The following SLC12A9 variants were observed in gnomAD, a reference collection of about 807,000 sequenced individuals.
SLC12A9 encodes solute carrier family 12 member 9.
In SLC12A9, 55 loss-of-function variants were observed where a neutral mutation model predicts 66.0. The observed-to-expected ratio is 0.83, with a 90% CI of 0.67 to 1.04. The LOEUF (loss-of-function observed/expected upper bound fraction) is 1.04, where lower values mean the gene tolerates loss of function less well. Among genes scored for constraint, SLC12A9 ranks in the 50% least tolerant of loss-of-function variants. SLC12A9 has a pLI of 0.00. For missense variants in SLC12A9, 1,061 were observed against 1,241.9 expected (o/e 0.85, Z 2.19); for synonymous variants, 577 against 569.0 (o/e 1.01, Z -0.20).
Position 100,861,925 on chromosome 7 carries a change from CCACT to C in SLC12A9, c.1711+28_1711+31del, listed in dbSNP as rs771301713. The C allele has an allele frequency of 2.2e-5, 35 of 1,569,028 alleles. No individual in the cohort carries two copies. The highest frequency in any genetic ancestry group is 1.1e-4 in the East Asian group (5 of 44,288). ...TGGGAGACCTCGGTGAGCTGCCCTC[CCACT>C]CACTCACTCACTCCCATCCTTCTCT... is the stretch of plus-strand genomic sequence containing the variant. On this transcript the variant is annotated intron_variant, in intron 12 of 13. Transcript: ENST00000354161. This position sits in a 1 kb window ranked among gnomAD's most constrained non-coding sequence, Gnocchi z 5.3.
intron 1 of SLC12A9, among the ~76,000 whole-genome samples, chr7:100,844,223 T>C (rs1359855028): frequency 6.6e-6 from 1 of 152,158 alleles, no homozygotes; most frequent in East Asian, 1.9e-4. Context: ...TTATTATAAG[T>C]GTACTAGAAC....
Position 100,866,722 on chromosome 7 carries a change from C to T in SLC12A9, c.*117C>T. On this transcript the variant is annotated 3_prime_UTR_variant, in exon 14 of 14. Coordinates refer to ENST00000354161, the MANE Select transcript of SLC12A9 (RefSeq NM_020246.4). This position sits in a 1 kb window ranked among gnomAD's most constrained non-coding sequence, Gnocchi z 7.3. ...GTGGCCCTGCCCTTGGGACGTGGAGCCCAGGGGAGGTTTGAAGGGGATCCT... is the reference window on the plus strand; with the variant it reads ...GTGGCCCTGCCCTTGGGACGTGGAGTCCAGGGGAGGTTTGAAGGGGATCCT... The T allele has an allele frequency of 8.6e-7, 1 of 1,158,248 alleles. No homozygotes were observed. Among genetic ancestry groups the T allele is most frequent in the Non-Finnish European group, 1.2e-6 (1 of 861,158 alleles). The allele number at this position is 1,158,248 out of a possible 1,614,324, so 71.7% of individuals were successfully genotyped here.
rs1814834365 is a variant in SLC12A9 at position 100,862,718 on chromosome 7, G to A, written c.1749G>A (p.Gly583=). 2 of 1,614,188 alleles carry A rather than the reference G, an allele frequency of 1.2e-6. No individual in the cohort carries two copies. The highest frequency in any genetic ancestry group is 1.1e-5 in the South Asian group (1 of 91,080). The change falls in exon 13 of 14, where the codon GGG becomes GGA. Residue 583 remains glycine, a synonymous_variant. Coordinates refer to ENST00000354161, the MANE Select transcript of SLC12A9 (RefSeq NM_020246.4). The part of the protein sequence containing the change: ...LPSDPVQPQY[G]AWLSLVDRAQ... ...CGGACCCTGTACAGCCGCAGTATGGGGCATGGCTCAGCCTGGTGGACCGTG... is the reference window on the plus strand; with the variant it reads ...CGGACCCTGTACAGCCGCAGTATGGAGCATGGCTCAGCCTGGTGGACCGTG...
chr7:100,862,755 G>A lies in SLC12A9; in HGVS notation c.1786G>A (p.Ala596Thr). 3 of 1,614,218 alleles carry A rather than the reference G, an allele frequency of 1.9e-6. No homozygotes were observed. Among genetic ancestry groups the A allele is most frequent in the South Asian group, 2.2e-5 (2 of 91,086 alleles). Reference protein sequence around the residue: ...LSLVDRAQVKAFVDLTLSPSV... With the variant: ...LSLVDRAQVKTFVDLTLSPSV... ...CCTGGTGGACCGTGCCCAGGTGAAG[G>A]CTTTTGTGGATCTAACCCTCTCACC... Residue 596 changes from alanine to threonine, a missense_variant, in exon 13 of 14, where the codon GCT (alanine) becomes ACT (threonine). Coordinates refer to ENST00000354161, the MANE Select transcript of SLC12A9 (RefSeq NM_020246.4).
intron 7 of SLC12A9, chr7:100,859,374 C>T: frequency 1.7e-6 from 1 of 583,566 alleles, no homozygotes; most frequent in Non-Finnish European, 3.1e-6. Context: ...TAGTGGCTTT[C>T]TACCCAGTTT....
At chr7:100,854,064 T>G in intron 1 of SLC12A9, 92 bp from the exon 2 acceptor site, 2 of 792,474 alleles carry the variant, frequency 2.5e-6, no homozygotes, top group Non-Finnish European at 3.8e-6. Flanking sequence ...AGCTCTGTCT[T>G]TTGGGGAGGC....
Position 100,862,719 on chromosome 7 carries a change from G to C in SLC12A9, c.1750G>C (p.Ala584Pro). 1.2e-6 allele frequency: 2 copies of C among 1,614,204 alleles called. No homozygotes were observed. The highest frequency in any genetic ancestry group is 1.7e-6 in the Non-Finnish European group (2 of 1,180,040). ...GGACCCTGTACAGCCGCAGTATGGG[G>C]CATGGCTCAGCCTGGTGGACCGTGC... ...PSDPVQPQYG[A>P]WLSLVDRAQV... Residue 584 changes from alanine (A) to proline (P), a missense_variant, in exon 13 of 14, where the codon GCA becomes CCA. Transcript: ENST00000354161.
At position 100,866,976 on chromosome 7, in the gene SLC12A9, ACT is replaced by A. The variant is rs1815133849; in HGVS notation, c.*374_*375del. Reference sequence around the variant, plus strand: ...GTTTTCGTTCTGTTTTATTTTTCTAACTCTGCTGACCATGAATAAAAGACCAA... The same window carrying A: ...GTTTTCGTTCTGTTTTATTTTTCTAACTGCTGACCATGAATAAAAGACCAA... On this transcript the variant is annotated 3_prime_UTR_variant, in exon 14 of 14. Coordinates refer to ENST00000354161, the MANE Select transcript of SLC12A9 (RefSeq NM_020246.4). This position sits in a 1 kb window ranked among gnomAD's most constrained non-coding sequence, Gnocchi z 7.3. 1 of 217,946 alleles carries A rather than the reference ACT, an allele frequency of 4.6e-6. No individual in the cohort carries two copies. Among genetic ancestry groups the A allele is most frequent in the South Asian group, 1.5e-4 (1 of 6,618 alleles). 13.5% of individuals were successfully genotyped at this position (217,946 alleles called of 1,614,324 possible).
At chr7:100,833,455 C>T (rs544266080) in intron 1 of SLC12A9, among the ~76,000 whole-genome samples, 60 of 151,708 alleles carry the variant, frequency 4.0e-4, no homozygotes, top group Middle Eastern at 3.4e-3. Flanking sequence ...GGTGACAGAG[C>T]GAGACTCTGT....
chr7:100,861,636 C>G lies in SLC12A9; in HGVS notation c.1536+52C>G. On this transcript the variant is annotated intron_variant, in intron 11 of 13. Coordinates refer to ENST00000354161, the MANE Select transcript of SLC12A9 (RefSeq NM_020246.4). This position sits in a 1 kb window ranked among gnomAD's most constrained non-coding sequence, Gnocchi z 5.3. ...GAAATGGGAGGTGGTCAAAGAACCC[C>G]CTCTCTCTTTGGCTGGAGTTGGTGC... The G allele has an allele frequency of 6.2e-7, 1 of 1,606,792 alleles. No individual in the cohort carries two copies. The highest frequency in any genetic ancestry group is 1.4e-5 in the African/African-American group (1 of 73,504).
At chr7:100,850,567 G>A (rs1814043082), upstream of SLC12A9, among the ~76,000 whole-genome samples, 1 of 151,630 alleles carries the variant, frequency 6.6e-6, no homozygotes, top group Admixed American at 6.6e-5. Context: ...TTGAGACAGG[G>A]TCTCACTCTG....
Position 100,861,177 on chromosome 7 carries a change from G to C in SLC12A9, c.1258G>C (p.Val420Leu). ...TGGGAAGCTGAACACACTGGCTGCTGTGGTCACTGTCTTCTACCTGGTGGC... is the reference window on the plus strand; with the variant it reads ...TGGGAAGCTGAACACACTGGCTGCTCTGGTCACTGTCTTCTACCTGGTGGC... ...LAGKLNTLAAVVTVFYLVAYA... is the reference protein window; with the variant it reads ...LAGKLNTLAALVTVFYLVAYA... The change falls in exon 10 of 14, where the codon GTG becomes CTG. Residue 420 changes from valine to leucine, a missense_variant. Coordinates refer to ENST00000354161, the MANE Select transcript of SLC12A9 (RefSeq NM_020246.4). This position sits in a 1 kb window ranked among gnomAD's most constrained non-coding sequence, Gnocchi z 5.3. The C allele has an allele frequency of 1.2e-6, 2 of 1,614,182 alleles. No homozygotes were observed. Among genetic ancestry groups the C allele is most frequent in the South Asian group, 1.1e-5 (1 of 91,090 alleles).
At chr7:100,859,849 C>A in intron 7 of SLC12A9, 36 bp from the exon 8 acceptor site, 1 of 1,574,668 alleles carries the variant, frequency 6.4e-7, no homozygotes, top group Non-Finnish European at 8.7e-7. Context: ...CCCCGTGACG[C>A]ATGATCATCC....
At chr7:100,831,805 CCTAA>C (rs1296447806) in intron 1 of SLC12A9, among the ~76,000 whole-genome samples, 3 of 152,184 alleles carry the variant, frequency 2.0e-5, no homozygotes, top group East Asian at 1.9e-4. Flanking sequence ...TTCTGGGCCA[CCTAA>C]CTGTGTCGGG....
rs778259457 is a variant in SLC12A9 at position 100,866,501 on chromosome 7, G to C, written c.2641G>C (p.Ala881Pro). ...LYLPRPPADP[A>P]RYPRYLALLE... The stretch of plus-strand genomic sequence containing the variant: ...CTTGCCTCGGCCGCCAGCCGATCCC[G>C]CCCGATACCCCCGCTACCTGGCGCT... Residue 881 changes from alanine (A) to proline (P), a missense_variant, in exon 14 of 14, where the codon GCC (alanine) becomes CCC (proline). Ala to Pro is a conservative substitution (Grantham distance 27, BLOSUM62 -1). Coordinates refer to ENST00000354161, the MANE Select transcript of SLC12A9 (RefSeq NM_020246.4). This position sits in a 1 kb window ranked among gnomAD's most constrained non-coding sequence, Gnocchi z 7.3. The C allele has an allele frequency of 4.5e-5, 71 of 1,563,166 alleles. No homozygotes were observed. The highest frequency in any genetic ancestry group is 6.0e-5 in the Non-Finnish European group (69 of 1,154,670).
chr7:100,859,112 T>A lies in SLC12A9; in HGVS notation c.928T>A (p.Phe310Ile). ...LGTIVAVAYT[F>I]FVYVLLFFLS... ...CACGATCGTCGCCGTCGCCTACACC[T>A]TCTTCGTCTATGTCCTGCTTTTCTT... The change falls in exon 7 of 14, where the codon TTC (phenylalanine) becomes ATC (isoleucine). Residue 310 changes from phenylalanine (F) to isoleucine (I), a missense_variant. Physicochemically the swap from Phe to Ile is conservative, Grantham distance 21. Transcript: ENST00000354161. 3 of 1,614,116 alleles carry A rather than the reference T, an allele frequency of 1.9e-6. No individual in the cohort carries two copies. Among genetic ancestry groups the A allele is most frequent in the Non-Finnish European group, 1.7e-6 (2 of 1,180,010 alleles).
At chr7:100,843,175 C>T (rs113249892) in intron 1 of SLC12A9, among the ~76,000 whole-genome samples, 145 of 152,322 alleles carry the variant, frequency 9.5e-4, no homozygotes, top group African/African-American at 3.3e-3. Flanking sequence ...AATTGGCTAT[C>T]CCTTTCACCC....
intron 1 of SLC12A9, among the ~76,000 whole-genome samples, chr7:100,830,946 G>A (rs1372139868): frequency 6.6e-6 from 1 of 151,910 alleles, no homozygotes; most frequent in Non-Finnish European, 1.5e-5. Flanking sequence ...CTAAATTACA[G>A]AACGTGGGTG....
chr7:100,838,693 T>G (rs1813718495), intron 1 of SLC12A9, among the ~76,000 whole-genome samples: 1 of 152,124 alleles, frequency 6.6e-6, no homozygotes, highest in South Asian at 2.1e-4. Flanking sequence ...TTTTTTTGCA[T>G]TTTTAGTAAA....
Sources: gnomAD v4.1 joint callset for allele counts (sites outside exome capture counted in the v4.1 genomes callset) on GRCh38, gnomAD v4.1.1 for gene constraint, Gnocchi (gnomAD v3.1) non-coding constraint, MANE v1.5 for transcripts, NCBI Gene and HGNC (gene_info 2026-07-23, HGNC 2026-07-21) for gene names.